ROBO2: variants seen among roughly 807,000 people sequenced by gnomAD.
The protein encoded by ROBO2 is roundabout homolog 2.
Under a neutral mutation model 160.8 loss-of-function variants are expected in ROBO2, and 53 were observed. The observed-to-expected ratio is 0.33, with a 90% CI of 0.26 to 0.41. The LOEUF (loss-of-function observed/expected upper bound fraction) is 0.41. Among genes scored for constraint, ROBO2 ranks in the 10% least tolerant of loss-of-function variants. The pLI, the probability that ROBO2 is intolerant of heterozygous loss-of-function variation, is 1.00. For missense variants in ROBO2, 1,577 were observed against 1,722.4 expected (o/e 0.92, Z 1.49); for synonymous variants, 664 against 611.7 (o/e 1.09, Z -1.26).
At chr3:76,886,246 C>A (rs1245433590) in intron 2 of ROBO2, among the ~76,000 whole-genome samples, 1 of 127,546 alleles carries the variant, frequency 7.8e-6, no homozygotes, top group Non-Finnish European at 1.7e-5. Flanking sequence ...AGGAGAATAA[C>A]CAATTCCAAA....
intron 2 of ROBO2, among the ~76,000 whole-genome samples, chr3:77,034,322 A>G (rs577131157): frequency 8.0e-5 from 12 of 150,700 alleles, no homozygotes; most frequent in African/African-American, 2.7e-4. Flanking sequence ...AAATTATATT[A>G]CTTATACTCC....
chr3:77,001,477 AAGAACAGC>A (rs1394797520), intron 2 of ROBO2, among the ~76,000 whole-genome samples: 2 of 152,272 alleles, frequency 1.3e-5, no homozygotes, highest in East Asian at 3.9e-4. Context: ...TGCTTATTCA[AAGAACAGC>A]AGATCTTTTC....
At chr3:76,218,006 A>C (rs1343985312) in intron 2 of ROBO2, among the ~76,000 whole-genome samples, 1 of 152,230 alleles carries the variant, frequency 6.6e-6, no homozygotes, top group Non-Finnish European at 1.5e-5. Flanking sequence ...GGCTGGTTCA[A>C]CATACGCAAA....
At chr3:76,665,660 G>A (rs2091989983) in intron 2 of ROBO2, among the ~76,000 whole-genome samples, 1 of 151,178 alleles carries the variant, frequency 6.6e-6, no homozygotes, top group South Asian at 2.1e-4. Context: ...TCCTAAGGAA[G>A]TTGCTAACTT....
chr3:76,722,007 G>A (rs2093473864), intron 2 of ROBO2, among the ~76,000 whole-genome samples: 1 of 152,190 alleles, frequency 6.6e-6, no homozygotes, highest in Admixed American at 6.5e-5. Flanking sequence ...AAAGACTTAG[G>A]TGGGACTTCT....
chr3:76,014,093 T>C (rs892578924), intron 2 of ROBO2, among the ~76,000 whole-genome samples: 1 of 148,112 alleles, frequency 6.8e-6, no homozygotes, highest in African/African-American at 2.5e-5. Context: ...AGAAGTAATA[T>C]GTATAAAGGC....
At chr3:76,065,144 A>C (rs1056318024) in intron 2 of ROBO2, among the ~76,000 whole-genome samples, 38 of 152,210 alleles carry the variant, frequency 2.5e-4, no homozygotes, top group African/African-American at 8.9e-4. Flanking sequence ...GCCCATAAAG[A>C]TTTCATTAAT....
At chr3:76,578,387 AT>A (rs2085447458) in intron 2 of ROBO2, among the ~76,000 whole-genome samples, 1 of 151,908 alleles carries the variant, frequency 6.6e-6, no homozygotes, top group East Asian at 1.9e-4. Flanking sequence ...TCCCAATAAA[AT>A]TGTCTACACA....
chr3:76,740,367 G>A (rs2093782321), intron 2 of ROBO2, among the ~76,000 whole-genome samples: 1 of 152,088 alleles, frequency 6.6e-6, no homozygotes, highest in South Asian at 2.1e-4. Flanking sequence ...CTGTCTTCTG[G>A]CCTAGATATT....
Position 76,693,389 on chromosome 3 carries a change from A to T in ROBO2, c.110-404625A>T, listed in dbSNP as rs544465776. The stretch of plus-strand genomic sequence containing the variant: ...GTGTATGTAGCATATATCCCTATAT[A>T]TGTATGTGTATGTAAACTATATATA... On this transcript the variant is annotated intron_variant, in intron 2 of 26. Transcript: ENST00000487694. 1.7e-4 allele frequency among the ~76,000 whole-genome samples: 26 copies of T among 151,246 alleles called. 1 individual carries two copies. Among genetic ancestry groups the T allele is most frequent in the Non-Finnish European group, 2.9e-5 (2 of 67,840 alleles).
At chr3:76,685,192 GT>G (rs57691150) in intron 2 of ROBO2, among the ~76,000 whole-genome samples, 55,260 of 127,938 alleles carry the variant, frequency 0.43, 11,682 homozygotes, top group East Asian at 0.75. Context: ...GGTTGGTTGT[GT>G]TTTTTTTTTT....
intron 2 of ROBO2, among the ~76,000 whole-genome samples, chr3:76,984,232 G>T (rs1167153040): frequency 6.6e-6 from 1 of 152,064 alleles, no homozygotes; most frequent in East Asian, 1.9e-4. Flanking sequence ...TATCAGCTGG[G>T]ATTCACACTT....
intron 2 of ROBO2, among the ~76,000 whole-genome samples, chr3:77,259,727 G>A (rs1487163383): frequency 1.3e-5 from 2 of 152,182 alleles, no homozygotes; most frequent in Non-Finnish European, 2.9e-5. Flanking sequence ...AAAATTACAT[G>A]TCGTTTTACA....
chr3:77,573,100 A>G (rs1002105687), intron 13 of ROBO2, among the ~76,000 whole-genome samples: 2 of 152,014 alleles, frequency 1.3e-5, no homozygotes, highest in African/African-American at 4.8e-5. Context: ...ATAGTGAAGT[A>G]TGTCAAATTT....
intron 1 of ROBO2, among the ~76,000 whole-genome samples, chr3:77,065,268 A>G (rs529723685): frequency 1.3e-5 from 2 of 152,344 alleles, no homozygotes; most frequent in South Asian, 2.1e-4. Context: ...CGTTTTAAAT[A>G]ACAGAGTCAG....
chr3:76,057,139 T>C (rs1045426369), intron 2 of ROBO2, among the ~76,000 whole-genome samples: 6 of 152,194 alleles, frequency 3.9e-5, no homozygotes, highest in South Asian at 4.1e-4. Flanking sequence ...CTTACTGTTA[T>C]CTCTCACCTT....
chr3:76,319,788 G>T (rs1369969079), intron 2 of ROBO2, among the ~76,000 whole-genome samples: 3 of 151,186 alleles, frequency 2.0e-5, no homozygotes, highest in African/African-American at 4.9e-5. Flanking sequence ...AAAATACAAA[G>T]TTATTCCTGT....
Position 76,761,252 on chromosome 3 carries a change from G to A in ROBO2, c.110-336762G>A, listed in dbSNP as rs549593794. Reference sequence around the variant, plus strand: ...ACGATTACTTTGAAATCAAACCTTAGAGAAAAAAATAAGCCTTTCTGAGTA... The same window carrying A: ...ACGATTACTTTGAAATCAAACCTTAAAGAAAAAAATAAGCCTTTCTGAGTA... On this transcript the variant is annotated intron_variant, in intron 2 of 26. Transcript: ENST00000487694. Among the ~76,000 whole-genome samples, 68 of 151,796 alleles carry A rather than the reference G, an allele frequency of 4.5e-4. 1 individual carries two copies. Among genetic ancestry groups the A allele is most frequent in the African/African-American group, 1.6e-3 (66 of 41,492 alleles).
intron 2 of ROBO2, among the ~76,000 whole-genome samples, chr3:76,188,244 T>C (rs184769985): frequency 4.6e-5 from 7 of 152,196 alleles, no homozygotes; most frequent in Non-Finnish European, 7.4e-5. Context: ...TTTGTAGATA[T>C]AATTAAGCTA....
Sources: allele counts gnomAD v4.1 joint callset (sites outside exome capture counted in the v4.1 genomes callset), GRCh38; gene constraint gnomAD v4.1.1; transcripts MANE v1.5; gene names NCBI Gene and HGNC (gene_info 2026-07-23, HGNC 2026-07-21).